Variants in MICU1 observed in about 807,000 individuals in gnomAD.
MICU1 encodes the protein mitochondrial calcium uptake 1, also known as calcium uptake protein 1, mitochondrial.
In MICU1, 45 loss-of-function variants were observed where a neutral mutation model predicts 56.8. The observed-to-expected ratio is 0.79, with a 90% confidence interval of 0.62 to 1.02. The LOEUF is 1.02. Among genes scored for constraint, MICU1 ranks in the 50% least tolerant of loss-of-function variants. The pLI is 0.00. For synonymous variants in MICU1, 186 were observed against 195.1 expected (o/e 0.95, Z 0.39); for missense variants, 504 against 587.1 (o/e 0.86, Z 1.46).
chr10:72,612,011 CAAAAAAAA>C (rs55767300), intron 1 of MICU1, among the ~76,000 whole-genome samples: 1 of 119,964 alleles, frequency 8.3e-6, no homozygotes, highest in South Asian at 2.8e-4. Flanking sequence ...ACCAACCAAC[CAAAAAAAA>C]AAAAAAAAAA....
At chr10:72,431,696 C>T (rs923513417) in intron 8 of MICU1, among the ~76,000 whole-genome samples, 1 of 152,138 alleles carries the variant, frequency 6.6e-6, no homozygotes, top group Non-Finnish European at 1.5e-5. Context: ...ACCACCAGCA[C>T]TTGGTATTGT....
intron 8 of MICU1, among the ~76,000 whole-genome samples, chr10:72,437,420 G>A (rs1364335308): frequency 6.6e-6 from 1 of 152,082 alleles, no homozygotes; most frequent in East Asian, 1.9e-4. Flanking sequence ...AGGAACAACC[G>A]GTACCAGCCA....
At chr10:72,376,787 G>A (rs544461024) in intron 10 of MICU1, among the ~76,000 whole-genome samples, 1 of 152,002 alleles carries the variant, frequency 6.6e-6, no homozygotes, top group East Asian at 1.9e-4. Context: ...TAGTGATGAT[G>A]GTTGTACAAC....
intron 1 of MICU1, among the ~76,000 whole-genome samples, chr10:72,588,850 A>G (rs1808978298): frequency 6.6e-6 from 1 of 152,192 alleles, no homozygotes; most frequent in Non-Finnish European, 1.5e-5. Flanking sequence ...CCCTTGGGGG[A>G]AAAATCAGTC....
intron 1 of MICU1, among the ~76,000 whole-genome samples, chr10:72,587,386 G>C (rs1384460265): frequency 6.7e-6 from 1 of 148,810 alleles, no homozygotes; most frequent in Non-Finnish European, 1.5e-5. Context: ...AGGATTTCTT[G>C]AGCCCAGGAG....
rs541633270 is a variant in MICU1, at chr10:72,474,211, A to G, written c.933+889T>C. On this transcript the variant is annotated intron_variant, in intron 8 of 11. Coordinates refer to ENST00000361114, the MANE Select transcript of MICU1 (RefSeq NM_001195518.2). ...GTGGAGGTTGCAGTGAGCCAAGATC[A>G]TATCATGCCACTGCACTCCACCCTG... Among the ~76,000 whole-genome samples, 64 of 145,932 alleles carry G rather than the reference A, an allele frequency of 4.4e-4. 1 individual carries two copies. In the South Asian group the frequency reaches 8.3e-3, roughly 19 times the overall value.
chr10:72,622,203 G>A (rs1357948353), intron 1 of MICU1, among the ~76,000 whole-genome samples: 1 of 150,300 alleles, frequency 6.7e-6, no homozygotes, highest in Middle Eastern at 3.4e-3. Flanking sequence ...GATTACAAGC[G>A]TGAGCCACCG....
chr10:72,462,834 T>C (rs1286038510), intron 8 of MICU1, among the ~76,000 whole-genome samples: 1 of 152,306 alleles, frequency 6.6e-6, no homozygotes, highest in Non-Finnish European at 1.5e-5. Flanking sequence ...GAAAGACTGA[T>C]TGAGGAAAAG....
rs781292019 is a variant in MICU1, at chr10:72,475,166, T to C, written c.867A>G (p.Gly289=). ...CGAGGAAGTTTTTGATTGTCAGCTT[T>C]CCCTTCAGATCAGCTCCAAAAAAGT... ...TTYFFGADLK[G]KLTIKNFLEF... is the part of the protein sequence containing the mutation. Residue 289 remains glycine, a synonymous_variant, in exon 8 of 12, where the codon GGA becomes GGG. Coordinates refer to ENST00000361114, the MANE Select transcript of MICU1 (RefSeq NM_001195518.2). 2 of 1,611,322 alleles carry C rather than the reference T, an allele frequency of 1.2e-6. No homozygotes were observed.
chr10:72,458,862 C>T (rs565031174), intron 8 of MICU1, among the ~76,000 whole-genome samples: 1 of 150,862 alleles, frequency 6.6e-6, no homozygotes, highest in South Asian at 2.1e-4. Flanking sequence ...AGGTGCATGC[C>T]ACTACACCCA....
At chr10:72,568,045 C>T (rs556306145) in intron 1 of MICU1, among the ~76,000 whole-genome samples, 35 of 152,172 alleles carry the variant, frequency 2.3e-4, no homozygotes, top group African/African-American at 8.2e-4. Flanking sequence ...TAATTCCATA[C>T]TTCAATGTCT....
intron 6 of MICU1, among the ~76,000 whole-genome samples, chr10:72,488,219 A>G (rs11000325): frequency 4.6e-5 from 7 of 150,918 alleles, no homozygotes; most frequent in African/African-American, 1.7e-4. Context: ...AAAAAAAATT[A>G]AAAAAAAATT....
intron 8 of MICU1, among the ~76,000 whole-genome samples, chr10:72,436,747 T>G (rs1864738183): frequency 6.6e-6 from 1 of 152,070 alleles, no homozygotes; most frequent in Admixed American, 6.6e-5. Context: ...AACCATGGCA[T>G]GAGAACTTCG....
intron 5 of MICU1, among the ~76,000 whole-genome samples, chr10:72,521,959 A>C (rs1867836278): frequency 6.6e-6 from 1 of 152,054 alleles, no homozygotes; most frequent in Non-Finnish European, 1.5e-5. Flanking sequence ...GTTCTTTATA[A>C]TTTTTAATTA....
intron 7 of MICU1, 117 bp from the exon 8 acceptor site, chr10:72,475,414 C>G (rs1270266480): frequency 1.0e-6 from 1 of 979,314 alleles, no homozygotes; most frequent in African/African-American, 1.8e-5. Flanking sequence ...TTATAATTAT[C>G]TCTTTTAATG....
chr10:72,402,887 T>C (rs571987633), intron 10 of MICU1, among the ~76,000 whole-genome samples: 2 of 151,462 alleles, frequency 1.3e-5, no homozygotes, highest in Non-Finnish European at 2.9e-5. Flanking sequence ...CTATAAAAAA[T>C]AAAAAAAATT....
intron 1 of MICU1, among the ~76,000 whole-genome samples, chr10:72,603,658 G>A (rs192303389): frequency 6.2e-4 from 94 of 152,016 alleles, no homozygotes; most frequent in African/African-American, 2.2e-3. Context: ...TACAAAATTA[G>A]CCGGGTGTGG....
chr10:72,536,515 T>A (rs1428522400), intron 4 of MICU1, among the ~76,000 whole-genome samples: 1 of 148,988 alleles, frequency 6.7e-6, no homozygotes, highest in Non-Finnish European at 1.5e-5. Context: ...CCCGGCTAAT[T>A]TTTTTTTTTG....
intron 6 of MICU1, among the ~76,000 whole-genome samples, chr10:72,486,275 T>C (rs1017853080): frequency 6.6e-6 from 1 of 152,182 alleles, no homozygotes; most frequent in Non-Finnish European, 1.5e-5. Flanking sequence ...TATTGTTGGT[T>C]GCCAATAGGA....
Sources: gnomAD v4.1 joint callset for allele counts (sites outside exome capture counted in the v4.1 genomes callset) on GRCh38, gnomAD v4.1.1 for gene constraint, MANE v1.5 for transcripts, NCBI Gene and HGNC (gene_info 2026-07-23, HGNC 2026-07-21) for gene names.